ADCY9: variants seen among roughly 807,000 people sequenced by gnomAD.
The protein encoded by ADCY9 is adenylate cyclase type 9.
ADCY9 carries 50 observed loss-of-function variants against 101.5 expected under a neutral mutation model. That is an observed-to-expected ratio of 0.49 (90% confidence interval 0.39 to 0.62). ADCY9 has a LOEUF of 0.62. Among genes scored for constraint, ADCY9 ranks in the 20% least tolerant of loss-of-function variants. ADCY9 has a pLI of 0.00. For synonymous variants in ADCY9, 905 were observed against 769.3 expected (o/e 1.18, Z -2.92); for missense variants, 1,662 against 1,800.4 (o/e 0.92, Z 1.39).
chr16:3,986,607 G>A (rs28756748), intron 6 of ADCY9, among the ~76,000 whole-genome samples: 23,849 of 152,040 alleles, frequency 0.16, 2,296 homozygotes, highest in South Asian at 0.33. Context: ...ACAGGCGCCC[G>A]CCACCATACC....
At chr16:3,990,490 A>G (rs922927893) in intron 5 of ADCY9, among the ~76,000 whole-genome samples, 10 of 149,554 alleles carry the variant, frequency 6.7e-5, no homozygotes, top group Admixed American at 1.3e-4. Flanking sequence ...AGAGTAAATC[A>G]GGTGAAATAT....
chr16:4,033,750 C>T (rs192366928), intron 2 of ADCY9, among the ~76,000 whole-genome samples: 5 of 152,212 alleles, frequency 3.3e-5, no homozygotes, highest in African/African-American at 7.2e-5. Context: ...TTCATGGACT[C>T]GACACCAAAA....
chr16:3,973,016 A>G (rs902258487), intron 10 of ADCY9, among the ~76,000 whole-genome samples: 4 of 152,158 alleles, frequency 2.6e-5, no homozygotes, highest in African/African-American at 7.2e-5. Flanking sequence ...CCTAAGTATA[A>G]ATCTTGTACA....
chr16:3,993,432 G>A lies in ADCY9; in HGVS notation c.1963C>T (p.Gln655Ter). Residue 655 changes from glutamine (Q) to a stop codon, truncating the protein, a stop_gained, in exon 4 of 11, where the codon CAA (glutamine) becomes TAA (stop). Coordinates refer to ENST00000294016, the MANE Select transcript of ADCY9 (RefSeq NM_001116.4). LOFTEE classifies it high-confidence loss of function. ...AEGGAPQNGCQDEHKNSTKAS... is the reference protein window; with the variant it reads ...AEGGAPQNGC ...TTGGTGCTGTTTTTATGCTCGTCTT[G>A]GCAGCCGTTTTGAGGTGCTCCTCCC... 1 of 1,614,170 alleles carries A rather than the reference G, an allele frequency of 6.2e-7. No homozygotes were observed. Among genetic ancestry groups the A allele is most frequent in the Non-Finnish European group, 8.5e-7 (1 of 1,180,006 alleles).
At chr16:3,975,560 T>A (rs983024571) in intron 9 of ADCY9, among the ~76,000 whole-genome samples, 10 of 152,140 alleles carry the variant, frequency 6.6e-5, no homozygotes, top group Admixed American at 5.2e-4. Context: ...CAAGCAGAGG[T>A]CCTTGGCAAC....
chr16:4,054,491 C>T (rs532357375), intron 2 of ADCY9, among the ~76,000 whole-genome samples: 2 of 152,138 alleles, frequency 1.3e-5, no homozygotes, highest in Admixed American at 6.6e-5. Flanking sequence ...CTGCCCATTT[C>T]GCAAACCTTC....
chr16:4,065,816 G>A (rs757573732), intron 2 of ADCY9, among the ~76,000 whole-genome samples: 6 of 152,166 alleles, frequency 3.9e-5, no homozygotes, highest in Non-Finnish European at 7.3e-5. Context: ...TGATCTGCCC[G>A]CCTCGGCCTC....
intron 10 of ADCY9, among the ~76,000 whole-genome samples, chr16:3,968,921 C>T (rs1220665071): frequency 6.6e-6 from 1 of 152,160 alleles, no homozygotes; most frequent in African/African-American, 2.4e-5. Flanking sequence ...TCTCGCCTCA[C>T]CACAAACTCC....
At chr16:3,956,240 G>A (rs538996466) in intron 5 of ADCY9, among the ~76,000 whole-genome samples, 24 of 152,074 alleles carry the variant, frequency 1.6e-4, no homozygotes, top group African/African-American at 5.3e-4. Context: ...CAATTGCCAC[G>A]AAAATCTCAA....
Position 4,114,720 on chromosome 16 carries a change from A to G in ADCY9, c.723T>C (p.Pro241=), listed in dbSNP as rs773777149. The G allele has an allele frequency of 3.7e-6, 6 of 1,613,164 alleles. No individual in the cohort carries two copies. Among genetic ancestry groups the G allele is most frequent in the Non-Finnish European group, 4.2e-6 (5 of 1,180,048 alleles). The change falls in exon 2 of 11, where the codon CCT becomes CCC. Residue 241 remains proline (P), a synonymous_variant. Transcript: ENST00000294016. This position sits in a 1 kb window ranked among gnomAD's most constrained non-coding sequence, Gnocchi z 4.3. ...CCCCCAGACACAAACTCAGGTACAA[A>G]GGTAAGTGCATGACGGTATAGAGCA... ...LFLLYTVMHL[P]LYLSLCLGVA...
At chr16:4,002,071 C>T (rs1479793057) in intron 3 of ADCY9, among the ~76,000 whole-genome samples, 2 of 152,130 alleles carry the variant, frequency 1.3e-5, no homozygotes, top group African/African-American at 4.8e-5. Context: ...AGTTTTACAA[C>T]AGCTTTCTTA....
At chr16:3,972,295 T>C (rs2056059105) in intron 10 of ADCY9, among the ~76,000 whole-genome samples, 1 of 151,778 alleles carries the variant, frequency 6.6e-6, no homozygotes, top group Admixed American at 6.6e-5. Context: ...AGTGGTGCGA[T>C]CTAGGCTCAC....
At position 3,977,503 on chromosome 16, in the gene ADCY9, T is replaced by G; in HGVS notation, c.2807A>C (p.Tyr936Ser). The G allele has an allele frequency of 6.4e-7, 1 of 1,574,108 alleles. No individual in the cohort carries two copies. Among genetic ancestry groups the G allele is most frequent in the Non-Finnish European group, 8.6e-7 (1 of 1,159,956 alleles). ...GTACCTGTCTGGGCACAGGGAGACG[T>G]AGAGCAGGAGCAGCGGCCCGGCCCC... ...VVGAGPLLLL[Y>S]VSLCPDSSVL... Residue 936 changes from tyrosine (Y) to serine (S), a missense_variant, in exon 9 of 11, where the codon TAC becomes TCC. Physicochemically the swap from Tyr to Ser is moderately radical, Grantham distance 144. Around this residue, in one of 5 missense-constraint regions of ADCY9, gnomAD observed 624 missense variants for 639.1 expected, o/e 0.98. Transcript: ENST00000294016.
intron 2 of ADCY9, among the ~76,000 whole-genome samples, chr16:4,093,519 ATT>A (rs1291743393): frequency 4.6e-5 from 7 of 152,244 alleles, no homozygotes; most frequent in Admixed American, 1.3e-4. Context: ...ATCAAAGTAT[ATT>A]ATTAAGTAAT....
At chr16:4,068,849 T>G (rs2056816345) in intron 2 of ADCY9, among the ~76,000 whole-genome samples, 1 of 151,914 alleles carries the variant, frequency 6.6e-6, no homozygotes. Context: ...CGGTGGCTCT[T>G]TTGCACATAT....
chr16:3,958,108 C>T (rs1265220487), downstream of ADCY9, among the ~76,000 whole-genome samples: 1 of 152,180 alleles, frequency 6.6e-6, no homozygotes, highest in Admixed American at 6.5e-5. Flanking sequence ...GCTCTTCCCT[C>T]AAAGAGCAGC....
At position 4,010,549 on chromosome 16, in the gene ADCY9, C is replaced by T. The variant is rs764322207; in HGVS notation, c.1694-2991G>A. ...TTTATTAAGCACTTCCTGTTTACTA[C>T]ACACTGATGGGTGCAGGGACGATGT... On this transcript the variant is annotated intron_variant, in intron 2 of 10. Coordinates refer to ENST00000294016, the MANE Select transcript of ADCY9 (RefSeq NM_001116.4). 9.2e-5 allele frequency among the ~76,000 whole-genome samples: 14 copies of T among 152,222 alleles called. No homozygotes were observed. The East Asian group carries it at 2.7e-3, about 29-fold the overall frequency.
In ADCY9 at chr16:4,097,461, T is replaced by TAC. The variant is rs1484006821; in HGVS notation, c.1693+16288_1693+16289insGT. ...ACTCACATGTGGAGTTACATATATA[T>TAC]ATATATATATATATATATATATATA... is the stretch of plus-strand genomic sequence containing the variant. On this transcript the variant is annotated intron_variant, in intron 2 of 10. Coordinates refer to ENST00000294016, the MANE Select transcript of ADCY9 (RefSeq NM_001116.4). 8.7e-4 allele frequency among the ~76,000 whole-genome samples: 14 copies of TAC among 16,152 alleles called. No homozygotes were observed. In the East Asian group the frequency reaches 0.21, roughly 245 times the overall value. 10.6% of individuals were successfully genotyped at this position (16,152 alleles called of 152,430 possible).
Position 4,115,482 on chromosome 16 carries a change from G to A in ADCY9, c.-40C>T, listed in dbSNP as rs775777563. On this transcript the variant is annotated 5_prime_UTR_variant, in exon 2 of 11. Coordinates refer to ENST00000294016, the MANE Select transcript of ADCY9 (RefSeq NM_001116.4). The surrounding 1 kb of genome is among the most constrained non-coding windows in gnomAD (Gnocchi z 6.2). ...GGGCCTGCCCCGGCCGGGGTCACCA[G>A]TACCTGCCAGCAAAACGGGGAGAGT... The A allele has an allele frequency of 1.3e-6, 2 of 1,481,728 alleles. No homozygotes were observed. The highest frequency in any genetic ancestry group is 1.8e-6 in the Non-Finnish European group (2 of 1,116,680). The allele number at this position is 1,481,728 out of a possible 1,614,324, so 91.8% of individuals were successfully genotyped here.
Sources: allele counts gnomAD v4.1 joint callset (sites outside exome capture counted in the v4.1 genomes callset), GRCh38; gene constraint gnomAD v4.1.1; regional missense constraint gnomAD v4.1.1; non-coding constraint Gnocchi (gnomAD v3.1); transcripts MANE v1.5; gene names NCBI Gene and HGNC (gene_info 2026-07-23, HGNC 2026-07-21).